Variants in CCDC141 observed in about 807,000 individuals in gnomAD.
CCDC141 encodes coiled-coil domain-containing protein 141.
In CCDC141, 168 loss-of-function variants were observed where a neutral mutation model predicts 181.0. That is an observed-to-expected ratio of 0.93 (90% confidence interval 0.82 to 1.05). The LOEUF is 1.05. Ranked by LOEUF, CCDC141 falls within the 50% of genes least tolerant of loss-of-function variation. The probability of loss-of-function intolerance (pLI) is 0.00; values close to 1 mark genes in which losing one functional copy is unlikely to be tolerated. For missense variants in CCDC141, 1,902 were observed against 1,788.5 expected (o/e 1.06, Z -1.14); for synonymous variants, 666 against 642.3 (o/e 1.04, Z -0.56).
chr2:178,828,739 T>C (rs1424849255), downstream of CCDC141, among the ~76,000 whole-genome samples: 1 of 152,208 alleles, frequency 6.6e-6, no homozygotes, highest in Non-Finnish European at 1.5e-5. Context: ...ATAATACTTA[T>C]TACAAAGCGA....
intron 2 of CCDC141, among the ~76,000 whole-genome samples, chr2:179,028,933 C>T (rs2042929899): frequency 6.6e-6 from 1 of 152,130 alleles, no homozygotes; most frequent in Non-Finnish European, 1.5e-5. Context: ...TCTACCCCCG[C>T]TTTAAAAACC....
intron 2 of CCDC141, among the ~76,000 whole-genome samples, chr2:179,033,649 CCTGT>C (rs1192208156): frequency 6.6e-6 from 1 of 152,092 alleles, no homozygotes; most frequent in African/African-American, 2.4e-5. Flanking sequence ...AGAGTTTTGT[CCTGT>C]CTGTCTAAAT....
chr2:178,836,998 C>G lies in CCDC141; in HGVS notation c.4221G>C (p.Gln1407His). The G allele has an allele frequency of 6.2e-7, 1 of 1,614,004 alleles. No individual in the cohort carries two copies. Among genetic ancestry groups the G allele is most frequent in the Non-Finnish European group, 8.5e-7 (1 of 1,179,940 alleles). ...ACAGGAGCCTGGAGAAATTAGGTGC[C>G]TGGTCAGCTAGGCTGACCACGCTGC... ...AKSSVVSLAD[Q>H]APNFSRLLSN... is the part of the protein sequence containing the mutation. The change falls in exon 23 of 24, where the codon CAG becomes CAC. Residue 1407 changes from glutamine to histidine, a missense_variant. Physicochemically the swap from Gln to His is conservative, Grantham distance 24 (BLOSUM62 0). Coordinates refer to ENST00000443758, the MANE Select transcript of CCDC141 (RefSeq NM_173648.4).
intron 8 of CCDC141, 97 bp from the exon 9 acceptor site, chr2:178,888,765 A>G: frequency 7.6e-7 from 1 of 1,319,944 alleles, no homozygotes; most frequent in Non-Finnish European, 1.0e-6. Context: ...AGGCGTTGGT[A>G]AAAGGCATCA....
intron 4 of CCDC141, among the ~76,000 whole-genome samples, chr2:178,971,789 G>A (rs1359216568): frequency 1.3e-5 from 2 of 152,118 alleles, no homozygotes; most frequent in Non-Finnish European, 2.9e-5. Context: ...CATGGATGAA[G>A]CTGGAAACCA....
At chr2:179,022,978 A>G (rs4893863) in intron 2 of CCDC141, among the ~76,000 whole-genome samples, 126,524 of 151,996 alleles carry the variant, frequency 0.83, 53,088 homozygotes, top group East Asian at 0.93. Context: ...TCCCCCAAAT[A>G]AGTGGGATCT....
At chr2:179,002,399 G>T (rs1575329910) in intron 2 of CCDC141, 1 of 316,868 alleles carries the variant, frequency 3.2e-6, no homozygotes, top group Admixed American at 4.2e-5. Flanking sequence ...TTGTAAAAAA[G>T]GGAGAGAAGG....
At chr2:178,924,126 T>C (rs1335454826) in intron 6 of CCDC141, among the ~76,000 whole-genome samples, 1 of 152,148 alleles carries the variant, frequency 6.6e-6, no homozygotes, top group Non-Finnish European at 1.5e-5. Flanking sequence ...AGGTGGTAAA[T>C]TTTCGTTATA....
At chr2:178,884,238 A>AG (rs1182659739) in intron 11 of CCDC141, among the ~76,000 whole-genome samples, 3 of 131,476 alleles carry the variant, frequency 2.3e-5, no homozygotes, top group East Asian at 7.6e-4. Flanking sequence ...AATAATGTGA[A>AG]GAAAAAAAAA....
At chr2:178,988,302 A>G (rs1481502302) in intron 2 of CCDC141, among the ~76,000 whole-genome samples, 1 of 122,512 alleles carries the variant, frequency 8.2e-6, no homozygotes, top group South Asian at 2.7e-4. Flanking sequence ...GGGAACATCA[A>G]ACTCTGGGGA....
intron 2 of CCDC141, among the ~76,000 whole-genome samples, chr2:179,033,738 G>A (rs1396085111): frequency 6.6e-6 from 1 of 152,026 alleles, no homozygotes; most frequent in African/African-American, 2.4e-5. Flanking sequence ...TTTGTTTGTA[G>A]GTTTATATTT....
chr2:178,943,475 G>A (rs1689602644), intron 6 of CCDC141, among the ~76,000 whole-genome samples: 1 of 152,208 alleles, frequency 6.6e-6, no homozygotes, highest in Non-Finnish European at 1.5e-5. Flanking sequence ...GCAATCTACT[G>A]CCTCCATCCT....
At chr2:178,856,229 A>C (rs1318207691) in intron 18 of CCDC141, 28 bp downstream of exon 18, 1 of 1,581,908 alleles carries the variant, frequency 6.3e-7, no homozygotes. Flanking sequence ...ACACATGCGC[A>C]CATATACAAA....
In CCDC141 at chr2:179,049,881, C is replaced by T. The variant is rs768250349; in HGVS notation, c.61G>A (p.Val21Met). The change falls in exon 1 of 24, where the codon GTG becomes ATG. Residue 21 changes from valine to methionine, a missense_variant. By Grantham distance (21) the Val-to-Met change is conservative. Transcript: ENST00000443758. ...ACGATTTTGGAGTCCCCAGCCTGCA[C>T]AGCAACTGAACTGACTGTCGTCGTA... ...LSTTTVSSVA[V>M]QAGDSKIVIA... The T allele has an allele frequency of 1.9e-6, 3 of 1,550,820 alleles. No individual in the cohort carries two copies. The South Asian group carries it at 3.6e-5, about 18-fold the overall frequency.
chr2:179,024,922 A>ATACAGGC (rs2042791046), intron 2 of CCDC141, among the ~76,000 whole-genome samples: 1 of 152,140 alleles, frequency 6.6e-6, no homozygotes, highest in Non-Finnish European at 1.5e-5. Context: ...TAAAAAAAAC[A>ATACAGGC]TACAGGCACT....
At chr2:178,914,679 T>A (rs1210077193) in intron 7 of CCDC141, among the ~76,000 whole-genome samples, 1 of 152,224 alleles carries the variant, frequency 6.6e-6, no homozygotes, top group Non-Finnish European at 1.5e-5. Context: ...ATTTTGTAAG[T>A]TTTGTTCTCT....
intron 5 of CCDC141, among the ~76,000 whole-genome samples, chr2:178,948,302 C>G (rs1225360174): frequency 6.6e-6 from 1 of 151,784 alleles, no homozygotes; most frequent in African/African-American, 2.4e-5. Flanking sequence ...TTTTATGTGG[C>G]TTTTTACTTT....
chr2:178,865,376 G>A (rs926849413), intron 17 of CCDC141, among the ~76,000 whole-genome samples: 5 of 152,142 alleles, frequency 3.3e-5, no homozygotes, highest in South Asian at 2.1e-4. Flanking sequence ...TGGCTGCAAC[G>A]AACTGGTCAA....
intron 23 of CCDC141, among the ~76,000 whole-genome samples, chr2:178,835,444 G>A (rs1303161692): frequency 6.6e-6 from 1 of 152,168 alleles, no homozygotes; most frequent in Non-Finnish European, 1.5e-5. Flanking sequence ...TTGTATGTCT[G>A]AGATTCTTGT....
Sources: allele counts gnomAD v4.1 joint callset (sites outside exome capture counted in the v4.1 genomes callset), GRCh38; gene constraint gnomAD v4.1.1; transcripts MANE v1.5; gene names NCBI Gene and HGNC (gene_info 2026-07-23, HGNC 2026-07-21).